Variants in MRPL12 observed in about 807,000 individuals in gnomAD.
The protein encoded by MRPL12 is large ribosomal subunit protein bL12m.
MRPL12 carries 13 observed loss-of-function variants against 21.1 expected under a neutral mutation model. That is an observed-to-expected ratio of 0.62 (90% CI 0.40 to 0.98). The LOEUF is 0.98. MRPL12 is among the 50% of genes least tolerant of loss of function. The pLI is 0.00. For missense variants in MRPL12, 251 were observed against 268.6 expected, an observed-to-expected ratio of 0.93 and a Z score of 0.46; for synonymous variants, 126 against 115.3, an observed-to-expected ratio of 1.09 and a Z score of -0.60.
rs576782640 is a variant in MRPL12 at position 81,704,256 on chromosome 17, A to G, written c.87A>G (p.Pro29=). 2.5e-5 allele frequency: 41 copies of G among 1,608,702 alleles called. No homozygotes were observed. In the South Asian group the frequency reaches 4.3e-4, roughly 17 times the overall value. ...GGGTGGGGGCTAGGCGACAGGTGCCATGTGTCTGTGCCGTGCGACATATGA... is the reference window on the plus strand; with the variant it reads ...GGGTGGGGGCTAGGCGACAGGTGCCGTGTGTCTGTGCCGTGCGACATATGA... The part of the protein sequence containing the change: ...AAFRLARRQV[P]CVCAVRHMRS... Residue 29 remains proline (P), a synonymous_variant, in exon 2 of 5, where the codon CCA becomes CCG. Coordinates refer to ENST00000333676, the MANE Select transcript of MRPL12 (RefSeq NM_002949.4).
rs752413952 is a variant in MRPL12 at position 81,707,057 on chromosome 17, GGGTTCCGAGGCA to G, written c.480+25_480+36del. 1.8e-5 allele frequency: 29 copies of G among 1,613,942 alleles called. No individual in the cohort carries two copies. Among genetic ancestry groups the G allele is most frequent in the Non-Finnish European group, 2.5e-5 (29 of 1,180,026 alleles). ...CTCGTCCAGGTCTGTGCCGCGGTGG[GGGTTCCGAGGCA>G]GGTTCCGTTGTGGTGGCCAGGGCCC... On this transcript the variant is annotated intron_variant, in intron 4 of 4. Coordinates refer to ENST00000333676, the MANE Select transcript of MRPL12 (RefSeq NM_002949.4).
rs1434226586 is a variant in MRPL12, at chr17:81,703,442, G to C, written c.-60G>C. On this transcript the variant is annotated 5_prime_UTR_variant, in exon 1 of 5. Coordinates refer to ENST00000333676, the MANE Select transcript of MRPL12 (RefSeq NM_002949.4). ...CCCAGCTCGAATGCCCGGCGGCCGA[G>C]GCGGCTAGAGCGTCGCCTCCTCCCG... The C allele has an allele frequency of 1.4e-6, 2 of 1,412,132 alleles. No homozygotes were observed. Among genetic ancestry groups the C allele is most frequent in the Non-Finnish European group, 1.9e-6 (2 of 1,071,258 alleles). 87.5% of individuals were successfully genotyped at this position (1,412,132 alleles called of 1,614,324 possible). A position where few individuals can be genotyped will look rare whatever the true frequency, so the allele number is the denominator to read the frequency against.
At position 81,704,413 on chromosome 17, in the gene MRPL12, C is replaced by T. The variant is rs1370307696; in HGVS notation, c.244C>T (p.Leu82Phe). ...CCTCACTCTCTTGGAAATCTCAGAC[C>T]TCAACGAGCTCCTGAAGGTATCGTG... Reference protein sequence around the residue: ...ASLTLLEISDLNELLKKTLKI... With the variant: ...ASLTLLEISDFNELLKKTLKI... Residue 82 changes from leucine (L) to phenylalanine (F), a missense_variant, in exon 2 of 5, where the codon CTC becomes TTC. Coordinates refer to ENST00000333676, the MANE Select transcript of MRPL12 (RefSeq NM_002949.4). 1 of 1,612,352 alleles carries T rather than the reference C, an allele frequency of 6.2e-7. No individual in the cohort carries two copies. Among genetic ancestry groups the T allele is most frequent in the Non-Finnish European group, 8.5e-7 (1 of 1,179,262 alleles).
rs2037296088 is a variant in MRPL12 at position 81,704,734 on chromosome 17, T to G, written c.345+18T>G. On this transcript the variant is annotated intron_variant, in intron 3 of 4. Transcript: ENST00000333676. ...CCCAGGAGGTGAGTCCTGGGCAGAA[T>G]GAGGCATTTCTGGGGTGCCCAGTTC... 2 of 1,603,260 alleles carry G rather than the reference T, an allele frequency of 1.2e-6. No individual in the cohort carries two copies. Among genetic ancestry groups the G allele is most frequent in the East Asian group, 4.5e-5 (2 of 44,826 alleles).
chr17:81,703,795 T>C (rs1232943575), intron 1 of MRPL12, among the ~76,000 whole-genome samples: 2 of 152,210 alleles, frequency 1.3e-5, no homozygotes, highest in African/African-American at 2.4e-5. Context: ...CCAGATGACC[T>C]TGGACGATTC....
At chr17:81,703,806 C>G (rs1310979148) in intron 1 of MRPL12, among the ~76,000 whole-genome samples, 2 of 152,212 alleles carry the variant, frequency 1.3e-5, no homozygotes, top group African/African-American at 2.4e-5. Context: ...TGGACGATTC[C>G]CTGCTCCTCC....
Position 81,705,708 on chromosome 17 carries a change from T to C in MRPL12, c.345+992T>C, listed in dbSNP as rs997718474. On this transcript the variant is annotated intron_variant, in intron 3 of 4. Coordinates refer to ENST00000333676, the MANE Select transcript of MRPL12 (RefSeq NM_002949.4). ...GGTCTTTGCAAGGAAACCAGTGAAC[T>C]TGAAGCCGCCAGTTGCGTTTGGTCA... Among the ~76,000 whole-genome samples the C allele has an allele frequency of 3.9e-5, 6 of 152,218 alleles. No individual in the cohort carries two copies. In the East Asian group the frequency reaches 5.8e-4, roughly 15 times the overall value.
In MRPL12 at chr17:81,704,226, A is replaced by G; in HGVS notation, c.75-18A>G. The G allele has an allele frequency of 6.3e-7, 1 of 1,592,758 alleles. No individual in the cohort carries two copies. The highest frequency in any genetic ancestry group is 2.2e-5 in the East Asian group (1 of 44,528). On this transcript the variant is annotated intron_variant, in intron 1 of 4. Transcript: ENST00000333676. ...TTCCAGGACTGACAAGTCTGTTTTA[A>G]TTGGGGGTGGGGGCTAGGCGACAGG...
intron 3 of MRPL12, among the ~76,000 whole-genome samples, chr17:81,705,170 G>A (rs2037301281): frequency 6.6e-6 from 1 of 151,714 alleles, no homozygotes; most frequent in Non-Finnish European, 1.5e-5. Flanking sequence ...TTGAACCCGG[G>A]AGACTGTCTC....
Position 81,704,400 on chromosome 17 carries a change from G to A in MRPL12, c.231G>A (p.Leu77=), listed in dbSNP as rs759269734. Residue 77 remains leucine, a synonymous_variant, in exon 2 of 5, where the codon TTG becomes TTA. Transcript: ENST00000333676. The part of the protein sequence containing the change: ...LVQDIASLTL[L]EISDLNELLK... The stretch of plus-strand genomic sequence containing the variant: ...AGGACATCGCCAGCCTCACTCTCTT[G>A]GAAATCTCAGACCTCAACGAGCTCC... The A allele has an allele frequency of 1.4e-5, 22 of 1,613,074 alleles. No individual in the cohort carries two copies. The highest frequency in any genetic ancestry group is 3.3e-5 in the Admixed American group (2 of 59,880).
At chr17:81,704,099 A>G (rs2037286619) in intron 1 of MRPL12, 145 bp from the exon 2 acceptor site, 3 of 727,166 alleles carry the variant, frequency 4.1e-6, no homozygotes, top group Non-Finnish European at 6.5e-6. Flanking sequence ...ACTGGGACCA[A>G]GGAGCTAGGT....
chr17:81,704,992 C>T (rs1277450622), intron 3 of MRPL12, among the ~76,000 whole-genome samples: 4 of 151,414 alleles, frequency 2.6e-5, no homozygotes, highest in African/African-American at 4.9e-5. Flanking sequence ...CCCAGCGCTT[C>T]GGGAGGCCGA....
Position 81,703,583 on chromosome 17 carries a change from G to C in MRPL12, c.74+8G>C. The C allele has an allele frequency of 7.1e-7, 1 of 1,410,298 alleles. No homozygotes were observed. The highest frequency in any genetic ancestry group is 9.2e-7 in the Non-Finnish European group (1 of 1,084,728). The allele number at this position is 1,410,298 out of a possible 1,614,324, so 87.4% of individuals were successfully genotyped here. A position where few individuals can be genotyped will look rare whatever the true frequency, so the allele number is the denominator to read the frequency against. On this transcript the variant is annotated splice_region_variant and intron_variant, in intron 1 of 4. Coordinates refer to ENST00000333676, the MANE Select transcript of MRPL12 (RefSeq NM_002949.4). ...TGCGTTCCGCCTTGCCAGGTACGCG[G>C]GATCCTGGGGCGGTCCGGGCCGGCA... is the stretch of plus-strand genomic sequence containing the variant.
chr17:81,704,066 C>T lies in MRPL12; in HGVS notation c.75-178C>T, dbSNP rs150001330. ...ACTTGCAAATCTTATCAATACGGAC[C>T]CCTTGAGGTCTGAGAACCCTGGACT... is the stretch of plus-strand genomic sequence containing the variant. On this transcript the variant is annotated intron_variant, in intron 1 of 4. Transcript: ENST00000333676. Among the ~76,000 whole-genome samples, 20 of 152,238 alleles carry T rather than the reference C, an allele frequency of 1.3e-4. No homozygotes were observed. In the East Asian group the frequency reaches 3.7e-3, roughly 28 times the overall value.
Position 81,704,649 on chromosome 17 carries a change from A to C in MRPL12, c.278A>C (p.Gln93Pro), listed in dbSNP as rs1381086084. ...TCTCTGCAGAAAACGTTGAAGATCCAGGATGTCGGGCTTGTGCCGATGGGT... is the reference window on the plus strand; with the variant it reads ...TCTCTGCAGAAAACGTTGAAGATCCCGGATGTCGGGCTTGTGCCGATGGGT... ...NELLKKTLKI[Q>P]DVGLVPMGGV... The change falls in exon 3 of 5, where the codon CAG becomes CCG. Residue 93 changes from glutamine (Q) to proline (P), a missense_variant. By Grantham distance (76) the Gln-to-Pro change is moderately conservative (BLOSUM62 -1). Transcript: ENST00000333676. 6.2e-7 allele frequency: 1 copy of C among 1,613,794 alleles called. No individual in the cohort carries two copies. Among genetic ancestry groups the C allele is most frequent in the East Asian group, 2.2e-5 (1 of 44,894 alleles).
In MRPL12 at chr17:81,703,516, CG is replaced by C; in HGVS notation, c.16del (p.Ala6LeufsTer32). 6.7e-7 allele frequency: 1 copy of C among 1,482,920 alleles called. No homozygotes were observed. The highest frequency in any genetic ancestry group is 8.9e-7 in the Non-Finnish European group (1 of 1,122,898). The allele number at this position is 1,482,920 out of a possible 1,614,324, so 91.9% of individuals were successfully genotyped here. On this transcript the variant is annotated frameshift_variant, in exon 1 of 5. Transcript: ENST00000333676. LOFTEE classifies it high-confidence loss of function. ...CCCGCGGACCGATGCTGCCGGCGGC[CG>C]CTCGCCCCCTGTGGGGGCCTTGCCT... MLPAA[A>X]RPLWGPCLGL...
chr17:81,706,897 C>A lies in MRPL12; in HGVS notation c.346-9C>A. On this transcript the variant is annotated splice_polypyrimidine_tract_variant and intron_variant, in intron 3 of 4. Transcript: ENST00000333676. ...GTCACCTGGCTCCCCTTCTTTCCTGCTCCCTAAGGCGGTGGAAGAAGATAT... is the reference window on the plus strand; with the variant it reads ...GTCACCTGGCTCCCCTTCTTTCCTGATCCCTAAGGCGGTGGAAGAAGATAT... The A allele has an allele frequency of 6.2e-7, 1 of 1,613,238 alleles. No homozygotes were observed. The highest frequency in any genetic ancestry group is 1.7e-5 in the Admixed American group (1 of 59,954).
intron 3 of MRPL12, 96 bp downstream of exon 3, chr17:81,704,812 C>T (rs2037297157): frequency 1.9e-6 from 2 of 1,072,492 alleles, no homozygotes; most frequent in African/African-American, 3.1e-5. Flanking sequence ...CAGCTACCGT[C>T]ATTGTCTGCA....
At chr17:81,707,078 TGTG>T (rs755830924) in intron 4 of MRPL12, 38 bp downstream of exon 4, 59 of 1,613,806 alleles carry the variant, frequency 3.7e-5, no homozygotes, top group Admixed American at 2.0e-4. Flanking sequence ...CAGGTTCCGT[TGTG>T]GTGGCCAGGG....
Sources: allele counts gnomAD v4.1 joint callset (sites outside exome capture counted in the v4.1 genomes callset), GRCh38; gene constraint gnomAD v4.1.1; transcripts MANE v1.5; gene names NCBI Gene and HGNC (gene_info 2026-07-23, HGNC 2026-07-21).